The following SLC36A1 variants were observed in gnomAD, a reference collection of about 807,000 sequenced individuals.
SLC36A1 encodes proton-coupled amino acid transporter 1.
SLC36A1 carries 30 observed loss-of-function variants against 47.5 expected under a neutral mutation model. That is an observed-to-expected ratio of 0.63 (90% CI 0.47 to 0.86). The LOEUF is 0.86. Among genes scored for constraint, SLC36A1 ranks in the 40% least tolerant of loss-of-function variants. The pLI, the probability that SLC36A1 is intolerant of heterozygous loss-of-function variation, is 0.00. For synonymous variants in SLC36A1, 255 were observed against 249.7 expected (o/e 1.02, Z -0.20); for missense variants, 517 against 606.0 (o/e 0.85, Z 1.54).
At chr5:151,447,219 AC>A (rs1425635861), upstream of SLC36A1, among the ~76,000 whole-genome samples, 1 of 152,250 alleles carries the variant, frequency 6.6e-6, no homozygotes, top group Non-Finnish European at 1.5e-5. Context: ...TCCAGTAGCA[AC>A]CACAGATGAT....
chr5:151,383,469 T>C, the SLC36A1 span, among the ~76,000 whole-genome samples: 19 of 152,118 alleles, frequency 1.2e-4, no homozygotes, highest in East Asian at 1.7e-3. Context: ...ATGGGCAAAA[T>C]ATATCACTCC....
chr5:151,397,764 CAAAAAAA>C, the SLC36A1 span, among the ~76,000 whole-genome samples: 1 of 44,338 alleles, frequency 2.3e-5, no homozygotes, highest in Non-Finnish European at 4.1e-5. Flanking sequence ...AACTCCAACT[CAAAAAAA>C]AAAAAAAAAA....
chr5:151,457,084 ATTAATGTACC>A (rs1754640414), intron 1 of SLC36A1, among the ~76,000 whole-genome samples: 1 of 152,098 alleles, frequency 6.6e-6, no homozygotes, highest in Non-Finnish European at 1.5e-5. Context: ...CATTTTTTAT[ATTAATGTACC>A]CTTTTTTTGT....
At chr5:151,527,048 G>A in the SLC36A1 span, among the ~76,000 whole-genome samples, 1 of 152,208 alleles carries the variant, frequency 6.6e-6, no homozygotes, top group African/African-American at 2.4e-5. Context: ...ATATGAAAGT[G>A]CCTAACACAG....
chr5:151,349,277 C>T, the SLC36A1 span, among the ~76,000 whole-genome samples: 1 of 152,008 alleles, frequency 6.6e-6, no homozygotes, highest in African/African-American at 2.4e-5. Context: ...GCTGGAATAT[C>T]AGTGTTTGGC....
the SLC36A1 span, among the ~76,000 whole-genome samples, chr5:151,391,170 A>C: frequency 2.0e-5 from 3 of 152,024 alleles, no homozygotes; most frequent in Non-Finnish European, 4.4e-5. Context: ...CTTTGAAGCA[A>C]TTGTGAATGG....
the SLC36A1 span, among the ~76,000 whole-genome samples, chr5:151,395,388 T>C: frequency 6.6e-6 from 1 of 151,624 alleles, no homozygotes; most frequent in Non-Finnish European, 1.5e-5. Context: ...CTTTGGCTTA[T>C]GCTCAGTGGG....
At chr5:151,468,267 AT>A (rs1414124028) in intron 7 of SLC36A1, among the ~76,000 whole-genome samples, 897 of 50,716 alleles carry the variant, frequency 0.018, 35 homozygotes, top group African/African-American at 0.085. Context: ...AAAAAAAAAA[AT>A]ATATATATAT....
intron 7 of SLC36A1, among the ~76,000 whole-genome samples, chr5:151,470,462 G>A (rs1177482931): frequency 6.6e-6 from 1 of 152,184 alleles, no homozygotes; most frequent in African/African-American, 2.4e-5. Flanking sequence ...TCTGCATAAG[G>A]GCAGCCCTGC....
chr5:151,458,364 C>CAT (rs57654042), intron 1 of SLC36A1, among the ~76,000 whole-genome samples: 45 of 139,496 alleles, frequency 3.2e-4, no homozygotes, highest in South Asian at 6.5e-4. Flanking sequence ...TATACACACA[C>CAT]GATTGAACTA....
At chr5:151,475,882 A>T (rs1309790316) in intron 8 of SLC36A1, among the ~76,000 whole-genome samples, 2 of 152,232 alleles carry the variant, frequency 1.3e-5, no homozygotes, top group Admixed American at 1.3e-4. Context: ...GAAGATCCTC[A>T]CAGTCACACC....
At chr5:151,519,513 C>T in the SLC36A1 span, among the ~76,000 whole-genome samples, 1 of 152,098 alleles carries the variant, frequency 6.6e-6, no homozygotes, top group Admixed American at 6.5e-5. Context: ...ATCCTAAGTT[C>T]TCTCGGAGAA....
At chr5:151,385,374 GAA>G in the SLC36A1 span, among the ~76,000 whole-genome samples, 1 of 152,210 alleles carries the variant, frequency 6.6e-6, no homozygotes, top group African/African-American at 2.4e-5. Flanking sequence ...GGCAGGGAGA[GAA>G]AGTCACATTT....
chr5:151,548,810 A>AT, the SLC36A1 span, among the ~76,000 whole-genome samples: 7 of 152,292 alleles, frequency 4.6e-5, no homozygotes, highest in Non-Finnish European at 1.0e-4. Context: ...AATCTTTGCA[A>AT]TGACTTTCTG....
the SLC36A1 span, among the ~76,000 whole-genome samples, chr5:151,398,144 G>A: frequency 3.9e-4 from 59 of 152,210 alleles, no homozygotes; most frequent in Non-Finnish European, 4.7e-4. Flanking sequence ...ATGGACAGTC[G>A]TTGGATTAAC....
chr5:151,388,924 A>C, the SLC36A1 span, among the ~76,000 whole-genome samples: 3 of 152,310 alleles, frequency 2.0e-5, no homozygotes, highest in East Asian at 5.8e-4. Context: ...AAAGTCTACA[A>C]TCATAAAACA....
chr5:151,440,565 G>A (rs891655436), intron 1 of SLC36A1, among the ~76,000 whole-genome samples: 3 of 137,900 alleles, frequency 2.2e-5, no homozygotes, highest in African/African-American at 9.2e-5. Context: ...GGCTTGGGAT[G>A]GGTAGAGTGG....
the SLC36A1 span, among the ~76,000 whole-genome samples, chr5:151,377,347 C>CTT: frequency 0.019 from 2,249 of 120,288 alleles, 125 homozygotes; most frequent in African/African-American, 0.067. Context: ...CTGTCTCTTT[C>CTT]TTTTTTTTTT....
the SLC36A1 span, chr5:151,546,317 TGAA>T: frequency 6.2e-7 from 1 of 1,613,018 alleles, no homozygotes; most frequent in Non-Finnish European, 8.5e-7. Flanking sequence ...GCATTGATGT[TGAA>T]GAAACCTTCG....
Sources: gnomAD v4.1 joint callset for allele counts (sites outside exome capture counted in the v4.1 genomes callset) on GRCh38, gnomAD v4.1.1 for gene constraint, MANE v1.5 for transcripts, NCBI Gene and HGNC (gene_info 2026-07-23, HGNC 2026-07-21) for gene names.